FAM107B: variants seen among roughly 807,000 people sequenced by gnomAD.
FAM107B encodes family with sequence similarity 107 member B.
Under a neutral mutation model 31.5 loss-of-function variants are expected in FAM107B, and 21 were observed. The observed-to-expected ratio is 0.67, with a 90% CI of 0.47 to 0.96. FAM107B has a LOEUF of 0.96. Among genes scored for constraint, FAM107B ranks in the 40% least tolerant of loss-of-function variants. FAM107B has a pLI of 0.00. For missense variants in FAM107B, 452 were observed against 377.1 expected (o/e 1.20, Z -1.64); for synonymous variants, 157 against 141.5 (o/e 1.11, Z -0.78).
intron 2 of FAM107B, among the ~76,000 whole-genome samples, chr10:14,646,486 A>T (rs745992704): frequency 6.6e-6 from 1 of 152,188 alleles, no homozygotes; most frequent in African/African-American, 2.4e-5. Flanking sequence ...GCTCCATCAA[A>T]GTTGCCCAAA....
At chr10:14,544,477 T>C (rs1056167285) in intron 2 of FAM107B, among the ~76,000 whole-genome samples, 2 of 152,150 alleles carry the variant, frequency 1.3e-5, no homozygotes, top group African/African-American at 4.8e-5. Context: ...AAAGCCCAAA[T>C]ACACGTGAAA....
chr10:14,712,028 G>A (rs765893412), intron 1 of FAM107B, among the ~76,000 whole-genome samples: 6 of 152,194 alleles, frequency 3.9e-5, no homozygotes, highest in Non-Finnish European at 8.8e-5. Context: ...GTAGTCTAAG[G>A]CTTAAACCTA....
intron 1 of FAM107B, among the ~76,000 whole-genome samples, chr10:14,679,593 C>A (rs1048270565): frequency 3.9e-5 from 6 of 152,158 alleles, no homozygotes; most frequent in African/African-American, 1.4e-4. Context: ...AAGTTGCTAC[C>A]CCTTGGACAT....
At chr10:14,621,792 C>T (rs1373387975) in intron 2 of FAM107B, among the ~76,000 whole-genome samples, 2 of 151,336 alleles carry the variant, frequency 1.3e-5, no homozygotes, top group African/African-American at 2.4e-5. Context: ...TTCCACAGCT[C>T]GCTTGTTAGC....
chr10:14,760,793 C>T lies in FAM107B; in HGVS notation c.411+13460G>A, dbSNP rs535623962. 2.4e-4 allele frequency among the ~76,000 whole-genome samples: 36 copies of T among 152,150 alleles called. 1 individual carries two copies. The South Asian group carries it at 7.1e-3, about 30-fold the overall frequency. ...ATTACAGTTCCAGGTGGGCGGATCACTTGAGGTCAGGAGTTTGAGGCCAGC... is the reference window on the plus strand; with the variant it reads ...ATTACAGTTCCAGGTGGGCGGATCATTTGAGGTCAGGAGTTTGAGGCCAGC... On this transcript the variant is annotated intron_variant, in intron 1 of 4. Transcript: ENST00000181796.
intron 2 of FAM107B, among the ~76,000 whole-genome samples, chr10:14,612,705 T>A (rs1046834357): frequency 6.6e-6 from 1 of 152,226 alleles, no homozygotes; most frequent in Admixed American, 6.5e-5. Flanking sequence ...AGAACTGTCC[T>A]TGTCTTTGAC....
chr10:14,536,011 A>C (rs889306523), intron 2 of FAM107B, among the ~76,000 whole-genome samples: 2 of 152,210 alleles, frequency 1.3e-5, no homozygotes, highest in African/African-American at 2.4e-5. Flanking sequence ...GTGAATTACC[A>C]TTCCCTCGGA....
intron 1 of FAM107B, among the ~76,000 whole-genome samples, chr10:14,734,657 T>TAGG (rs1480663812): frequency 1.3e-5 from 2 of 152,104 alleles, no homozygotes; most frequent in Non-Finnish European, 2.9e-5. Flanking sequence ...CTCCAGAACT[T>TAGG]AGGGCACACC....
intron 1 of FAM107B, among the ~76,000 whole-genome samples, chr10:14,749,561 T>C (rs1482468328): frequency 6.6e-6 from 1 of 152,198 alleles, no homozygotes; most frequent in Non-Finnish European, 1.5e-5. Context: ...GTCAAATGAA[T>C]AATGTAACAG....
At chr10:14,549,916 T>A (rs1849097829) in intron 2 of FAM107B, among the ~76,000 whole-genome samples, 1 of 152,178 alleles carries the variant, frequency 6.6e-6, no homozygotes, top group Non-Finnish European at 1.5e-5. Flanking sequence ...CACAGAATGA[T>A]GAAAGCCTAA....
At chr10:14,605,246 G>A (rs183914758) in intron 2 of FAM107B, among the ~76,000 whole-genome samples, 1 of 152,262 alleles carries the variant, frequency 6.6e-6, no homozygotes, top group East Asian at 1.9e-4. Context: ...GGTTTATTCC[G>A]CCTCTTTGCT....
intron 2 of FAM107B, among the ~76,000 whole-genome samples, chr10:14,530,777 C>T (rs1234418515): frequency 3.3e-5 from 5 of 152,228 alleles, no homozygotes; most frequent in African/African-American, 9.6e-5. Context: ...GCCACTGCCA[C>T]AACTTGGGTT....
At chr10:14,706,233 G>A (rs139582006) in intron 1 of FAM107B, among the ~76,000 whole-genome samples, 1 of 152,220 alleles carries the variant, frequency 6.6e-6, no homozygotes, top group African/African-American at 2.4e-5. Context: ...TTAAGAGACA[G>A]GGTCTCACTC....
intron 1 of FAM107B, among the ~76,000 whole-genome samples, chr10:14,711,870 C>G (rs1329350959): frequency 6.6e-6 from 1 of 152,216 alleles, no homozygotes; most frequent in Non-Finnish European, 1.5e-5. Context: ...TCTCAAACTC[C>G]TGACCTCAAG....
At chr10:14,538,035 C>T (rs1847819679) in intron 2 of FAM107B, among the ~76,000 whole-genome samples, 1 of 151,992 alleles carries the variant, frequency 6.6e-6, no homozygotes, top group Admixed American at 6.6e-5. Flanking sequence ...TGTGTAATTC[C>T]AAAAGGAAGC....
chr10:14,719,847 T>C (rs1223664805), intron 1 of FAM107B, among the ~76,000 whole-genome samples: 4 of 152,192 alleles, frequency 2.6e-5, no homozygotes, highest in Non-Finnish European at 5.9e-5. Context: ...TTATTGATCT[T>C]TGGGTTGCTT....
chr10:14,692,493 C>T (rs2609837), intron 1 of FAM107B, among the ~76,000 whole-genome samples: 115,596 of 152,032 alleles, frequency 0.76, 44,152 homozygotes, highest in Admixed American at 0.85. Context: ...GCAATATAAA[C>T]GGTTGTAAAT....
At chr10:14,720,884 G>A (rs1214139730) in intron 1 of FAM107B, among the ~76,000 whole-genome samples, 1 of 151,914 alleles carries the variant, frequency 6.6e-6, no homozygotes, top group African/African-American at 2.4e-5. Context: ...TAGGGTACAA[G>A]TGCACAATGT....
chr10:14,591,871 G>A (rs1397229527), intron 2 of FAM107B, among the ~76,000 whole-genome samples: 3 of 151,808 alleles, frequency 2.0e-5, no homozygotes, highest in African/African-American at 7.3e-5. Flanking sequence ...AAGAAACCCA[G>A]CACCCAAATC....
Sources: gnomAD v4.1 joint callset for allele counts (sites outside exome capture counted in the v4.1 genomes callset) on GRCh38, gnomAD v4.1.1 for gene constraint, MANE v1.5 for transcripts, NCBI Gene and HGNC (gene_info 2026-07-23, HGNC 2026-07-21) for gene names.